Variants in ACTN4 observed in about 807,000 individuals in gnomAD.
ACTN4 encodes the protein actinin alpha 4, also known as alpha-actinin-4.
ACTN4 carries 18 observed loss-of-function variants against 114.2 expected under a neutral mutation model. The observed-to-expected ratio is 0.16, with a 90% confidence interval of 0.11 to 0.23. The LOEUF (loss-of-function observed/expected upper bound fraction) is 0.23, where lower values mean the gene tolerates loss of function less well. ACTN4 is among the 10% of genes least tolerant of loss of function. The pLI, the probability that ACTN4 is intolerant of heterozygous loss-of-function variation, is 1.00. For missense variants in ACTN4, 722 were observed against 1,262.9 expected, an observed-to-expected ratio of 0.57 and a Z score of 6.49; for synonymous variants, 515 against 506.3, an observed-to-expected ratio of 1.02 and a Z score of -0.23.
chr19:38,662,167 G>A (rs1976907264), intron 1 of ACTN4, among the ~76,000 whole-genome samples: 1 of 152,188 alleles, frequency 6.6e-6, no homozygotes, highest in African/African-American at 2.4e-5. Flanking sequence ...ACAGGTTTCA[G>A]TAGGTTTCAT....
At chr19:38,696,332 T>C (rs1191421727) in intron 1 of ACTN4, among the ~76,000 whole-genome samples, 1 of 151,990 alleles carries the variant, frequency 6.6e-6, no homozygotes, top group African/African-American at 2.4e-5. Context: ...TACGGACCCA[T>C]GGTGGCCTGG....
chr19:38,717,048 TC>T lies in ACTN4; in HGVS notation c.913-33del. On this transcript the variant is annotated intron_variant, in intron 9 of 20. Transcript: ENST00000252699. This position sits in a 1 kb window ranked among gnomAD's most constrained non-coding sequence, Gnocchi z 4.0. ...GGGCAGCCCGTCAGCACTCTGAGGGTCCCCCACAAAGGCCACGCTGGCTTCT... is the reference window on the plus strand; with the variant it reads ...GGGCAGCCCGTCAGCACTCTGAGGGTCCCCACAAAGGCCACGCTGGCTTCT... 6.3e-7 allele frequency: 1 copy of T among 1,587,636 alleles called. No homozygotes were observed. Among genetic ancestry groups the T allele is most frequent in the Non-Finnish European group, 8.6e-7 (1 of 1,165,690 alleles).
intron 1 of ACTN4, among the ~76,000 whole-genome samples, chr19:38,674,559 C>A (rs906978129): frequency 7.2e-5 from 11 of 152,108 alleles, no homozygotes; most frequent in African/African-American, 2.7e-4. Flanking sequence ...AGCACCATTC[C>A]GTCTCTTTCT....
intron 1 of ACTN4, 76 bp downstream of exon 1, chr19:38,647,983 G>A (rs1976437059): frequency 1.8e-5 from 25 of 1,379,292 alleles, no homozygotes; most frequent in Non-Finnish European, 2.3e-5. Context: ...GGTCCTGAAA[G>A]GTAACTGGAG....
intron 19 of ACTN4, 87 bp from the exon 20 acceptor site, chr19:38,728,909 G>A (rs1969365361): frequency 1.9e-6 from 3 of 1,559,588 alleles, no homozygotes; most frequent in East Asian, 2.2e-5. Flanking sequence ...TCTCTCGGCT[G>A]TTTCCCTGGA....
rs985697181 is a variant in ACTN4 at position 38,696,646 on chromosome 19, CTCCT to C, written c.163-3953_163-3950del. Among the ~76,000 whole-genome samples the C allele has an allele frequency of 1.3e-4, 20 of 152,262 alleles. 1 individual carries two copies. Among genetic ancestry groups the C allele is most frequent in the Admixed American group, 1.2e-3 (19 of 15,294 alleles). On this transcript the variant is annotated intron_variant, in intron 1 of 20. Transcript: ENST00000252699. Reference sequence around the variant, plus strand: ...AAGGGTGGCCTTGTGAGTGCAGGCTCTCCTCACCAGAGCTGAGGGCTTTGTGAAC... The same window carrying C: ...AAGGGTGGCCTTGTGAGTGCAGGCTCCACCAGAGCTGAGGGCTTTGTGAAC...
At chr19:38,703,901 T>C (rs1968367788) in intron 3 of ACTN4, among the ~76,000 whole-genome samples, 1 of 151,982 alleles carries the variant, frequency 6.6e-6, no homozygotes, top group African/African-American at 2.4e-5. Context: ...GGTCGCAGGC[T>C]AGGGGCGTGC....
At chr19:38,701,574 G>A (rs1039400191) in intron 3 of ACTN4, among the ~76,000 whole-genome samples, 2 of 152,192 alleles carry the variant, frequency 1.3e-5, no homozygotes, top group Non-Finnish European at 2.9e-5. Context: ...GGGACAGGGA[G>A]TGCACGGCCA....
Position 38,704,914 on chromosome 19 carries a change from G to A in ACTN4, c.398-20G>A. 1 of 1,611,942 alleles carries A rather than the reference G, an allele frequency of 6.2e-7. No individual in the cohort carries two copies. Among genetic ancestry groups the A allele is most frequent in the South Asian group, 1.1e-5 (1 of 91,054 alleles). On this transcript the variant is annotated intron_variant, in intron 3 of 20. Transcript: ENST00000252699. ...TGGTTTTAACGACCTTCTGCCCTCT[G>A]CCCCCTTCCCTGTGTGCAGAGATTG...
chr19:38,723,577 C>A, intron 12 of ACTN4, 37 bp from the exon 13 acceptor site: 1 of 1,508,368 alleles, frequency 6.6e-7, no homozygotes, highest in Non-Finnish European at 9.1e-7. Context: ...AGCCACTTGC[C>A]CTTGCCGAGT....
chr19:38,703,386 C>G (rs1191911197), intron 3 of ACTN4, among the ~76,000 whole-genome samples: 1 of 151,770 alleles, frequency 6.6e-6, no homozygotes, highest in African/African-American at 2.4e-5. Context: ...TTACAAGCAC[C>G]CGCCACCACG....
chr19:38,660,235 T>A (rs192663135), intron 1 of ACTN4, among the ~76,000 whole-genome samples: 10 of 152,248 alleles, frequency 6.6e-5, no homozygotes, highest in Admixed American at 6.5e-4. Flanking sequence ...TTTCTACACG[T>A]TCTTGATCTA....
chr19:38,728,484 T>G (rs12975079), intron 19 of ACTN4: 48,930 of 740,146 alleles, frequency 0.066, 1,927 homozygotes, highest in South Asian at 0.1. Flanking sequence ...CTCCAGAGCT[T>G]CCTCGTCCTC....
chr19:38,670,527 TG>T (rs1967095367), intron 1 of ACTN4, among the ~76,000 whole-genome samples: 1 of 152,158 alleles, frequency 6.6e-6, no homozygotes, highest in South Asian at 2.1e-4. Context: ...GGGTGGGGAC[TG>T]GGGTGGCCAC....
intron 3 of ACTN4, 93 bp from the exon 4 acceptor site, chr19:38,704,841 A>C: frequency 8.7e-7 from 1 of 1,145,256 alleles, no homozygotes; most frequent in East Asian, 2.4e-5. Context: ...GCCTTTCTCT[A>C]GATGGGGCTG....
intron 1 of ACTN4, among the ~76,000 whole-genome samples, chr19:38,673,939 G>T (rs1290917160): frequency 1.3e-5 from 2 of 150,158 alleles, no homozygotes; most frequent in African/African-American, 2.5e-5. Flanking sequence ...CTGCCACCAC[G>T]TCCGGCTAAT....
chr19:38,650,921 C>T (rs886854619), intron 1 of ACTN4, among the ~76,000 whole-genome samples: 11 of 152,154 alleles, frequency 7.2e-5, no homozygotes, highest in African/African-American at 1.9e-4. Flanking sequence ...TTAGTAGAGA[C>T]GGGGTTTCTC....
intron 1 of ACTN4, among the ~76,000 whole-genome samples, chr19:38,668,453 C>T (rs1205595804): frequency 2.6e-5 from 4 of 152,136 alleles, no homozygotes; most frequent in Admixed American, 1.3e-4. Flanking sequence ...TTTGGGAGGC[C>T]AAGGCGCACA....
At chr19:38,716,442 C>T (rs981992694) in intron 9 of ACTN4, among the ~76,000 whole-genome samples, 1 of 152,216 alleles carries the variant, frequency 6.6e-6, no homozygotes, top group African/African-American at 2.4e-5. Flanking sequence ...TCAGTGAAGA[C>T]AGCGGCAGTG....
Sources: gnomAD v4.1 joint callset for allele counts (sites outside exome capture counted in the v4.1 genomes callset) on GRCh38, gnomAD v4.1.1 for gene constraint, Gnocchi (gnomAD v3.1) non-coding constraint, MANE v1.5 for transcripts, NCBI Gene and HGNC (gene_info 2026-07-23, HGNC 2026-07-21) for gene names.